DOK6: variants seen among roughly 807,000 people sequenced by gnomAD.
DOK6 encodes downstream of tyrosine kinase 6.
A neutral mutation model predicts 44.0 loss-of-function variants in DOK6; 22 were observed. The observed-to-expected ratio is 0.50, with a 90% confidence interval of 0.36 to 0.71. The LOEUF is 0.71. DOK6 is among the 30% of genes least tolerant of loss of function. The pLI is 0.00. For synonymous variants in DOK6, 166 were observed against 145.5 expected (o/e 1.14, Z -1.01); for missense variants, 340 against 416.4 (o/e 0.82, Z 1.60).
At chr18:69,516,836 C>G (rs1163536986) in intron 1 of DOK6, among the ~76,000 whole-genome samples, 1 of 128,814 alleles carries the variant, frequency 7.8e-6, no homozygotes, top group Non-Finnish European at 1.7e-5. Flanking sequence ...CCACCACGCA[C>G]GGCTAATTTT....
intron 4 of DOK6, among the ~76,000 whole-genome samples, chr18:69,682,872 C>A (rs1168178187): frequency 1.3e-5 from 2 of 152,138 alleles, no homozygotes; most frequent in African/African-American, 2.4e-5. Context: ...TTTCTTATTC[C>A]TCTAAATTAG....
At chr18:69,686,971 G>T (rs1206059972) in intron 4 of DOK6, among the ~76,000 whole-genome samples, 1 of 152,080 alleles carries the variant, frequency 6.6e-6, no homozygotes, top group African/African-American at 2.4e-5. Flanking sequence ...TAGTTGTTAA[G>T]TTATATCAGA....
intron 3 of DOK6, among the ~76,000 whole-genome samples, chr18:69,650,064 C>G (rs887047110): frequency 2.6e-5 from 4 of 152,066 alleles, no homozygotes; most frequent in African/African-American, 9.7e-5. Context: ...CAAGGCAAGA[C>G]TTTTCTTGCC....
At chr18:69,581,062 C>A (rs2144609851) in intron 2 of DOK6, among the ~76,000 whole-genome samples, 1 of 152,202 alleles carries the variant, frequency 6.6e-6, no homozygotes, top group South Asian at 2.1e-4. Flanking sequence ...AATAGTATTC[C>A]ATCGTGTATA....
intron 4 of DOK6, among the ~76,000 whole-genome samples, chr18:69,693,311 A>AG (rs1986309099): frequency 1.2e-5 from 1 of 83,788 alleles, no homozygotes. Context: ...TCTTCTTTGA[A>AG]GAAAAAAAAA....
At chr18:69,617,154 A>G (rs566855502) in intron 3 of DOK6, among the ~76,000 whole-genome samples, 23 of 152,170 alleles carry the variant, frequency 1.5e-4, no homozygotes, top group African/African-American at 5.5e-4. Context: ...GTACTCTGGT[A>G]TCACAAAACA....
intron 1 of DOK6, among the ~76,000 whole-genome samples, chr18:69,561,824 T>C (rs561554670): frequency 1.3e-4 from 20 of 152,264 alleles, no homozygotes; most frequent in African/African-American, 4.8e-4. Flanking sequence ...TATGTGATTG[T>C]TGCAAGAATG....
At chr18:69,822,843 T>A (rs929072085) in intron 7 of DOK6, among the ~76,000 whole-genome samples, 6 of 152,248 alleles carry the variant, frequency 3.9e-5, no homozygotes, top group Non-Finnish European at 1.5e-5. Flanking sequence ...ACCAGTGTGT[T>A]ATAATGAAGT....
chr18:69,562,714 T>C (rs1404963292), intron 1 of DOK6, among the ~76,000 whole-genome samples: 4 of 152,072 alleles, frequency 2.6e-5, no homozygotes, highest in Middle Eastern at 6.8e-3. Flanking sequence ...AAAACCTAGG[T>C]AATACCATTC....
At position 69,687,240 on chromosome 18, in the gene DOK6, A is replaced by G. The variant is rs532724038; in HGVS notation, c.409+9387A>G. Among the ~76,000 whole-genome samples, 128 of 152,366 alleles carry G rather than the reference A, an allele frequency of 8.4e-4. 1 individual carries two copies. Among genetic ancestry groups the G allele is most frequent in the Non-Finnish European group, 1.4e-3 (94 of 68,034 alleles). On this transcript the variant is annotated intron_variant, in intron 4 of 7. Coordinates refer to ENST00000382713, the MANE Select transcript of DOK6 (RefSeq NM_152721.6). ...ACCCTGACCAATGTTGGCGTAGCCC[A>G]ATAATGCAAAGAATCCCAGAAATCC...
At chr18:69,639,087 GT>G (rs1433783284) in intron 3 of DOK6, among the ~76,000 whole-genome samples, 1 of 152,122 alleles carries the variant, frequency 6.6e-6, no homozygotes, top group Admixed American at 6.5e-5. Context: ...CAAATTATGT[GT>G]TCTTTCTCCT....
intron 1 of DOK6, among the ~76,000 whole-genome samples, chr18:69,531,721 CT>C (rs1209078870): frequency 2.0e-5 from 3 of 152,084 alleles, no homozygotes; most frequent in African/African-American, 7.2e-5. Flanking sequence ...TTTTTGCCCT[CT>C]TTTTACTGAG....
intron 3 of DOK6, among the ~76,000 whole-genome samples, chr18:69,605,915 A>G (rs1043879291): frequency 6.6e-6 from 1 of 152,190 alleles, no homozygotes; most frequent in Non-Finnish European, 1.5e-5. Context: ...AATAAAAGAC[A>G]TACAGATTGG....
chr18:69,754,643 C>G (rs967486647), intron 6 of DOK6, among the ~76,000 whole-genome samples: 1 of 152,118 alleles, frequency 6.6e-6, no homozygotes, highest in African/African-American at 2.4e-5. Flanking sequence ...GGGTTGGTTT[C>G]TCCTGAGGCC....
intron 1 of DOK6, chr18:69,469,379 TTGTG>T (rs1980021245): frequency 6.6e-6 from 1 of 152,152 alleles, no homozygotes; most frequent in South Asian, 2.1e-4. Context: ...CATTTTAACT[TTGTG>T]TGTTTGCTTC....
chr18:69,470,345 T>C (rs1380666663), intron 1 of DOK6, among the ~76,000 whole-genome samples: 2 of 152,150 alleles, frequency 1.3e-5, no homozygotes, highest in Admixed American at 6.5e-5. Flanking sequence ...GCTATCTTTG[T>C]TCATCTCATA....
chr18:69,408,439 C>CAAAAAAAA (rs35285941), intron 1 of DOK6, among the ~76,000 whole-genome samples: 1 of 138,810 alleles, frequency 7.2e-6, no homozygotes, highest in Non-Finnish European at 1.6e-5. Flanking sequence ...CCTCTCCTTT[C>CAAAAAAAA]AAAAAAAAAA....
chr18:69,783,023 G>T (rs1599323650), intron 7 of DOK6, among the ~76,000 whole-genome samples: 1 of 152,160 alleles, frequency 6.6e-6, no homozygotes, highest in African/African-American at 2.4e-5. Flanking sequence ...AGCTTAGTTG[G>T]TATATTTCGT....
rs183636856 is a variant in DOK6, at chr18:69,698,917, T to G, written c.599+324T>G. On this transcript the variant is annotated intron_variant, in intron 5 of 7. Coordinates refer to ENST00000382713, the MANE Select transcript of DOK6 (RefSeq NM_152721.6). Reference sequence around the variant, plus strand: ...ATACTATATTTTCGGTGTGCCTGTATGCAAAAGGACCTCCATAAAATTAAA... The same window carrying G: ...ATACTATATTTTCGGTGTGCCTGTAGGCAAAAGGACCTCCATAAAATTAAA... Among the ~76,000 whole-genome samples, 534 of 152,352 alleles carry G rather than the reference T, an allele frequency of 3.5e-3. 2 individuals carry two copies. The highest frequency in any genetic ancestry group is 6.4e-3 in the Non-Finnish European group (433 of 68,030).
Sources: allele counts gnomAD v4.1 joint callset (sites outside exome capture counted in the v4.1 genomes callset), GRCh38; gene constraint gnomAD v4.1.1; transcripts MANE v1.5; gene names NCBI Gene and HGNC (gene_info 2026-07-23, HGNC 2026-07-21).